The following DNAH11 variants were observed in gnomAD, a reference collection of about 807,000 sequenced individuals.
DNAH11 encodes axonemal beta dynein heavy chain 11.
Under a neutral mutation model 526.0 loss-of-function variants are expected in DNAH11, and 442 were observed. That is an observed-to-expected ratio of 0.84 (90% CI 0.78 to 0.91). DNAH11 has a LOEUF of 0.91. DNAH11 is among the 40% of genes least tolerant of loss of function. The probability of loss-of-function intolerance (pLI) is 0.00; values close to 1 mark genes in which losing one functional copy is unlikely to be tolerated. For synonymous variants in DNAH11, 2,461 were observed against 1,935.9 expected (o/e 1.27, Z -7.12); for missense variants, 6,989 against 5,448.7 (o/e 1.28, Z -8.90).
At chr7:21,703,190 G>C (rs931300088) in intron 37 of DNAH11, among the ~76,000 whole-genome samples, 13 of 152,118 alleles carry the variant, frequency 8.5e-5, no homozygotes, top group Non-Finnish European at 1.9e-4. Flanking sequence ...CATTTCATGG[G>C]ACCTAAGATG....
At chr7:21,674,559 C>T (rs73273551) in intron 30 of DNAH11, among the ~76,000 whole-genome samples, 13,213 of 152,126 alleles carry the variant, frequency 0.087, 914 homozygotes, top group Admixed American at 0.24. Flanking sequence ...TACAGGGTTT[C>T]GCCATGTTGA....
intron 55 of DNAH11, among the ~76,000 whole-genome samples, chr7:21,771,934 G>C (rs1390804390): frequency 6.6e-6 from 1 of 152,108 alleles, no homozygotes; most frequent in Non-Finnish European, 1.5e-5. Flanking sequence ...ACTGCAATTA[G>C]TAGTTCTACA....
At chr7:21,862,056 CAGAACCA>C in intron 69 of DNAH11, 33 bp downstream of exon 69, 1 of 1,583,312 alleles carries the variant, frequency 6.3e-7, no homozygotes, top group Non-Finnish European at 8.6e-7. Context: ...AAAGGATCCC[CAGAACCA>C]AAGGCAGATG....
chr7:21,699,614 T>C (rs1168706138), intron 36 of DNAH11, among the ~76,000 whole-genome samples: 1 of 152,052 alleles, frequency 6.6e-6, no homozygotes, highest in Non-Finnish European at 1.5e-5. Flanking sequence ...TTACATTGGG[T>C]GGGTGGAATC....
At chr7:21,899,936 A>G (rs1583827119) in intron 80 of DNAH11, 44 bp from the exon 81 acceptor site, 3 of 1,604,232 alleles carry the variant, frequency 1.9e-6, no homozygotes, top group South Asian at 1.1e-5. Context: ...GGAACCTTAC[A>G]TGCAACACTT....
At position 21,736,993 on chromosome 7, in the gene DNAH11, A is replaced by G. The variant is rs141622742; in HGVS notation, c.7645+1149A>G. On this transcript the variant is annotated intron_variant, in intron 46 of 81. Coordinates refer to ENST00000409508, the MANE Select transcript of DNAH11 (RefSeq NM_001277115.2). ...AGTTCAGTAGTTGAACAAATTACCT[A>G]TGATGTGAGTGCATCTTGCTATTTC... Among the ~76,000 whole-genome samples, 588 of 152,374 alleles carry G rather than the reference A, an allele frequency of 3.9e-3. 7 individuals carry two copies. Among genetic ancestry groups the G allele is most frequent in the African/African-American group, 0.013 (551 of 41,594 alleles).
chr7:21,830,146 C>T (rs1050423760), intron 65 of DNAH11, among the ~76,000 whole-genome samples: 3 of 152,096 alleles, frequency 2.0e-5, no homozygotes, highest in Non-Finnish European at 4.4e-5. Context: ...TATTTGAAGA[C>T]GGTTGTCATT....
chr7:21,571,196 G>C (rs1277396884), intron 7 of DNAH11, among the ~76,000 whole-genome samples: 2 of 152,150 alleles, frequency 1.3e-5, no homozygotes, highest in Non-Finnish European at 2.9e-5. Flanking sequence ...CTGGGGATCT[G>C]ACTTACGTTT....
At chr7:21,669,625 C>T (rs575855206) in intron 30 of DNAH11, among the ~76,000 whole-genome samples, 50 of 149,764 alleles carry the variant, frequency 3.3e-4, no homozygotes, top group African/African-American at 1.2e-3. Context: ...ATGGCTAGTG[C>T]TTTTTGTGTC....
chr7:21,770,324 A>G (rs1211355142), intron 55 of DNAH11, among the ~76,000 whole-genome samples: 1 of 152,240 alleles, frequency 6.6e-6, no homozygotes, highest in Non-Finnish European at 1.5e-5. Flanking sequence ...CATAGTGCAA[A>G]GGTAATTTTA....
intron 61 of DNAH11, among the ~76,000 whole-genome samples, chr7:21,800,348 T>A (rs879337420): frequency 2.6e-5 from 4 of 152,128 alleles, no homozygotes; most frequent in African/African-American, 4.8e-5. Flanking sequence ...GAGAAAAATA[T>A]GGGTCAGGCA....
chr7:21,886,294 T>G (rs1562604011), intron 76 of DNAH11, among the ~76,000 whole-genome samples: 1 of 152,268 alleles, frequency 6.6e-6, no homozygotes, highest in East Asian at 1.9e-4. Context: ...AGTCTAATAT[T>G]TAGTCTATTT....
At chr7:21,799,649 A>G (rs1392889243) in intron 61 of DNAH11, among the ~76,000 whole-genome samples, 1 of 152,054 alleles carries the variant, frequency 6.6e-6, no homozygotes, top group Non-Finnish European at 1.5e-5. Context: ...TTTCAATCTT[A>G]TTTCTAACTG....
chr7:21,735,872 A>C, intron 46 of DNAH11, 28 bp downstream of exon 46: 4 of 1,559,304 alleles, frequency 2.6e-6, no homozygotes, highest in Non-Finnish European at 3.5e-6. Flanking sequence ...TTTTCTAGAA[A>C]CAAGGGATCA....
chr7:21,887,405 C>T (rs1408531727), intron 76 of DNAH11, among the ~76,000 whole-genome samples: 1 of 152,124 alleles, frequency 6.6e-6, no homozygotes, highest in Non-Finnish European at 1.5e-5. Context: ...TACCAGGTCA[C>T]CTTAAAGTTA....
intron 45 of DNAH11, among the ~76,000 whole-genome samples, chr7:21,726,860 CAAAAAAAAA>C (rs1166791175): frequency 8.0e-4 from 11 of 13,798 alleles, no homozygotes; most frequent in East Asian, 6.7e-3. Flanking sequence ...GACTCTGTCT[CAAAAAAAAA>C]AAAAAAAAAA....
At chr7:21,763,789 T>TATATACATATAC (rs61311190) in intron 54 of DNAH11, among the ~76,000 whole-genome samples, 23 of 127,264 alleles carry the variant, frequency 1.8e-4, no homozygotes, top group Admixed American at 7.2e-4. Flanking sequence ...TAATGTGCTA[T>TATATACATATAC]ATATACATAT....
chr7:21,671,697 T>C (rs1782649169), intron 30 of DNAH11, among the ~76,000 whole-genome samples: 1 of 152,222 alleles, frequency 6.6e-6, no homozygotes, highest in Admixed American at 6.5e-5. Context: ...CTACTTACTT[T>C]GAGCTTAATT....
intron 61 of DNAH11, among the ~76,000 whole-genome samples, chr7:21,795,909 T>C (rs1788694162): frequency 6.6e-6 from 1 of 152,078 alleles, no homozygotes; most frequent in Admixed American, 6.5e-5. Context: ...TCTTAAAAGA[T>C]GAATAGGTTT....
Sources: gnomAD v4.1 joint callset for allele counts (sites outside exome capture counted in the v4.1 genomes callset) on GRCh38, gnomAD v4.1.1 for gene constraint, MANE v1.5 for transcripts, NCBI Gene and HGNC (gene_info 2026-07-23, HGNC 2026-07-21) for gene names.